The following TENM3 variants were observed in gnomAD, a reference collection of about 807,000 sequenced individuals.
TENM3 encodes teneurin-3.
In TENM3, 63 loss-of-function variants were observed where a neutral mutation model predicts 255.1. That is an observed-to-expected ratio of 0.25 (90% CI 0.20 to 0.30). The LOEUF is 0.30. Ranked by LOEUF, TENM3 falls within the 10% of genes least tolerant of loss-of-function variation. The pLI, the probability that TENM3 is intolerant of heterozygous loss-of-function variation, is 1.00. For synonymous variants in TENM3, 1,306 were observed against 1,322.3 expected (o/e 0.99, Z 0.27); for missense variants, 2,929 against 3,461.1 (o/e 0.85, Z 3.86).
At chr4:181,824,906 C>T in the TENM3 span, among the ~76,000 whole-genome samples, 9 of 152,148 alleles carry the variant, frequency 5.9e-5, no homozygotes, top group Non-Finnish European at 8.8e-5. Context: ...TTAAGACCAC[C>T]GGGCACTCAC....
the TENM3 span, among the ~76,000 whole-genome samples, chr4:181,500,266 A>G: frequency 6.6e-6 from 1 of 151,364 alleles, no homozygotes; most frequent in Non-Finnish European, 1.5e-5. Flanking sequence ...TGACCCCAGG[A>G]GATCTGCCTG....
chr4:181,719,781 T>A, the TENM3 span, among the ~76,000 whole-genome samples: 1 of 152,198 alleles, frequency 6.6e-6, no homozygotes, highest in Non-Finnish European at 1.5e-5. Context: ...TATCATAAAT[T>A]CAACTTACAC....
intron 1 of TENM3, among the ~76,000 whole-genome samples, chr4:182,262,357 T>G (rs187615847): frequency 1.1e-4 from 16 of 152,306 alleles, no homozygotes; most frequent in Admixed American, 1.0e-3. Flanking sequence ...GGGTGCATTT[T>G]CGGACAGTGA....
At chr4:182,097,864 T>C in the TENM3 span, among the ~76,000 whole-genome samples, 9 of 152,186 alleles carry the variant, frequency 5.9e-5, no homozygotes, top group South Asian at 1.7e-3. Context: ...GGAAAAAAAA[T>C]GAAGCCCCCA....
the TENM3 span, among the ~76,000 whole-genome samples, chr4:182,088,802 C>G: frequency 6.6e-6 from 1 of 151,242 alleles, no homozygotes; most frequent in East Asian, 1.9e-4. Flanking sequence ...CCACTGCACT[C>G]CAGCCTGGGC....
chr4:182,357,646 C>A (rs78818950), intron 3 of TENM3, among the ~76,000 whole-genome samples: 39 of 150,666 alleles, frequency 2.6e-4, no homozygotes, highest in African/African-American at 7.8e-4. Context: ...GGTTGCGAAA[C>A]TTTTCTCCCA....
At chr4:182,661,644 C>A (rs1044586018) in intron 6 of TENM3, among the ~76,000 whole-genome samples, 1 of 152,088 alleles carries the variant, frequency 6.6e-6, no homozygotes, top group Non-Finnish European at 1.5e-5. Flanking sequence ...TTATGGCATG[C>A]GGTTGTTTAT....
Position 182,346,684 on chromosome 4 carries a change from G to C in TENM3, c.266G>C (p.Cys89Ser), listed in dbSNP as rs1764837403. The C allele has an allele frequency of 6.2e-7, 1 of 1,613,596 alleles. No individual in the cohort carries two copies. Among genetic ancestry groups the C allele is most frequent in the East Asian group, 2.2e-5 (1 of 44,870 alleles). The change falls in exon 3 of 28, where the codon TGT becomes TCT. Residue 89 changes from cysteine (C) to serine (S), a missense_variant. By Grantham distance (112) the Cys-to-Ser change is moderately radical. Coordinates refer to ENST00000511685, the MANE Select transcript of TENM3 (RefSeq NM_001080477.4). ...QNFTLRQLGV[C>S]EPATRRGLAF... is the part of the protein sequence containing the mutation. The stretch of plus-strand genomic sequence containing the variant: ...TTTACCCTAAGGCAGTTAGGAGTTT[G>C]TGAACCAGCAACTCGAAGAGGACTG...
the TENM3 span, among the ~76,000 whole-genome samples, chr4:182,075,805 G>A: frequency 6.6e-5 from 10 of 152,104 alleles, no homozygotes; most frequent in South Asian, 2.1e-4. Context: ...AAGTTTCATC[G>A]TGTGCTTCCC....
At chr4:181,978,043 GTTTTAAC>G in the TENM3 span, among the ~76,000 whole-genome samples, 2 of 152,186 alleles carry the variant, frequency 1.3e-5, no homozygotes, top group Admixed American at 1.3e-4. Context: ...GAATAAAATA[GTTTTAAC>G]AGATCTGCAA....
chr4:182,591,922 A>G (rs979736851), intron 3 of TENM3, among the ~76,000 whole-genome samples: 1 of 152,180 alleles, frequency 6.6e-6, no homozygotes, highest in African/African-American at 2.4e-5. Flanking sequence ...TGATATGAGT[A>G]TAAGCACCTA....
the TENM3 span, among the ~76,000 whole-genome samples, chr4:181,912,827 T>A: frequency 6.7e-6 from 1 of 149,684 alleles, no homozygotes; most frequent in Admixed American, 6.6e-5. Context: ...GAGGTGCAGC[T>A]CAGGATTTTG....
chr4:182,653,034 G>A (rs965713435), intron 5 of TENM3, among the ~76,000 whole-genome samples: 16 of 152,008 alleles, frequency 1.1e-4, no homozygotes, highest in African/African-American at 3.6e-4. Flanking sequence ...GTTTATAGTT[G>A]TATAGTCTTC....
chr4:181,591,958 GAA>G, the TENM3 span, among the ~76,000 whole-genome samples: 8 of 147,548 alleles, frequency 5.4e-5, no homozygotes, highest in South Asian at 2.2e-4. Context: ...AAAAAAGCCA[GAA>G]AAAAAAAAAG....
the TENM3 span, among the ~76,000 whole-genome samples, chr4:181,759,060 A>G: frequency 6.6e-6 from 1 of 152,166 alleles, no homozygotes; most frequent in South Asian, 2.1e-4. Context: ...AATACAATTT[A>G]ACCATTTAAA....
chr4:181,561,820 T>A, the TENM3 span, among the ~76,000 whole-genome samples: 2 of 152,036 alleles, frequency 1.3e-5, no homozygotes, highest in African/African-American at 4.8e-5. Context: ...TAGAATTTCC[T>A]GTTCAAAGAG....
At chr4:182,284,422 T>C (rs1218395039) in intron 1 of TENM3, among the ~76,000 whole-genome samples, 1 of 152,194 alleles carries the variant, frequency 6.6e-6, no homozygotes, top group African/African-American at 2.4e-5. Context: ...ATCCAGGCAG[T>C]CTGGTATTTT....
intron 1 of TENM3, among the ~76,000 whole-genome samples, chr4:182,233,657 T>A (rs1010768858): frequency 1.3e-5 from 2 of 152,244 alleles, no homozygotes; most frequent in Admixed American, 1.3e-4. Context: ...ACGTGGTCAC[T>A]GTTACAGCTT....
At chr4:182,634,169 A>G (rs1042183282) in intron 5 of TENM3, among the ~76,000 whole-genome samples, 2 of 152,182 alleles carry the variant, frequency 1.3e-5, no homozygotes, top group African/African-American at 4.8e-5. Flanking sequence ...TTTAGTAGCC[A>G]CTAGACACAT....
Sources: gnomAD v4.1 joint callset for allele counts (sites outside exome capture counted in the v4.1 genomes callset) on GRCh38, gnomAD v4.1.1 for gene constraint, MANE v1.5 for transcripts, NCBI Gene and HGNC (gene_info 2026-07-23, HGNC 2026-07-21) for gene names.